Variants in KMT2E observed in about 807,000 individuals in gnomAD.
The protein encoded by KMT2E is lysine methyltransferase 2E (inactive), also known as histone reader KMT2E.
Under a neutral mutation model 184.6 loss-of-function variants are expected in KMT2E, and 30 were observed. The observed-to-expected ratio is 0.16, with a 90% CI of 0.12 to 0.22. The LOEUF (loss-of-function observed/expected upper bound fraction) is 0.22, where lower values mean the gene tolerates loss of function less well. Ranked by LOEUF, KMT2E falls within the 10% of genes least tolerant of loss-of-function variation. The probability of loss-of-function intolerance (pLI) is 1.00; values close to 1 mark genes in which losing one functional copy is unlikely to be tolerated. For missense variants in KMT2E, 2,023 were observed against 2,237.4 expected (o/e 0.90, Z 1.93); for synonymous variants, 815 against 776.5 (o/e 1.05, Z -0.82).
chr7:105,110,334 A>G lies in KMT2E; in HGVS notation c.3810A>G (p.Leu1270=). Residue 1270 remains leucine, a synonymous_variant, in exon 24 of 27, where the codon TTA becomes TTG. Transcript: ENST00000311117. Reference sequence around the variant, plus strand: ...GAGAAAGGAGTTATCAGAGAGCTTTACTTCTCAGTGATCACCGAAAAGATA... The same window carrying G: ...GAGAAAGGAGTTATCAGAGAGCTTTGCTTCTCAGTGATCACCGAAAAGATA... ...QVRERSYQRA[L]LLSDHRKDKD... 6.2e-7 allele frequency: 1 copy of G among 1,614,162 alleles called. No homozygotes were observed. The highest frequency in any genetic ancestry group is 1.7e-5 in the Admixed American group (1 of 60,028).
intron 5 of KMT2E, chr7:105,064,048 C>A (rs1393604781): frequency 2.2e-6 from 1 of 453,394 alleles, no homozygotes; most frequent in South Asian, 1.6e-5. Context: ...TCTCCTTGAA[C>A]CAGAACCACA....
In KMT2E at chr7:105,051,098, C is replaced by CTTTTT. The variant is rs1321623714; in HGVS notation, c.71+10076_71+10077insTTTTT. Among the ~76,000 whole-genome samples, 77 of 71,654 alleles carry CTTTTT rather than the reference C, an allele frequency of 1.1e-3. 1 individual carries two copies. Among genetic ancestry groups the CTTTTT allele is most frequent in the Middle Eastern group, 0.015 (2 of 136 alleles). The allele number at this position is 71,654 out of a possible 152,430, so 47.0% of individuals were successfully genotyped here. A position where few individuals can be genotyped will look rare whatever the true frequency, so the allele number is the denominator to read the frequency against. On this transcript the variant is annotated intron_variant, in intron 3 of 26. Coordinates refer to ENST00000311117, the MANE Select transcript of KMT2E (RefSeq NM_182931.3). ...TTCTTCTTCTTTCTTTCTTTTTTCT[C>CTTTTT]TCTCTCTCTCTTTCTTCCTTTCCTC...
chr7:105,063,145 A>G (rs969536823), intron 4 of KMT2E, among the ~76,000 whole-genome samples: 1 of 151,970 alleles, frequency 6.6e-6, no homozygotes, highest in East Asian at 1.9e-4. Flanking sequence ...GACCACTCCC[A>G]CTTTGTAGAT....
intron 15 of KMT2E, among the ~76,000 whole-genome samples, chr7:105,100,716 G>A (rs1030254604): frequency 1.3e-5 from 2 of 152,148 alleles, no homozygotes; most frequent in South Asian, 2.1e-4. Flanking sequence ...GAGGACTAAA[G>A]TAGAAATAAT....
At chr7:105,036,017 C>T (rs193245258) in intron 1 of KMT2E, among the ~76,000 whole-genome samples, 19 of 152,134 alleles carry the variant, frequency 1.2e-4, no homozygotes, top group Admixed American at 2.0e-4. Flanking sequence ...TCAGAGGAAA[C>T]GCAATTCAGA....
At chr7:105,069,154 G>T (rs2129567605) in intron 6 of KMT2E, among the ~76,000 whole-genome samples, 1 of 152,254 alleles carries the variant, frequency 6.6e-6, no homozygotes, top group East Asian at 1.9e-4. Flanking sequence ...AGCTAGTCAT[G>T]CCCTTTCCTA....
Position 105,112,338 on chromosome 7 carries a change from T to G in KMT2E, c.4582T>G (p.Ser1528Ala). Residue 1528 changes from serine (S) to alanine (A), a missense_variant, in exon 27 of 27, where the codon TCA becomes GCA. By Grantham distance (99) the Ser-to-Ala change is moderately conservative. This residue lies in a region of KMT2E where 1,108 missense variants were observed against 1,050.9 expected (regional missense o/e 1.05). Coordinates refer to ENST00000311117, the MANE Select transcript of KMT2E (RefSeq NM_182931.3). ...LFTQTPSGQSSATYSQFNQQS... is the reference protein window; with the variant it reads ...LFTQTPSGQSAATYSQFNQQS... ...TACACAGACACCCTCAGGACAATCTTCAGCAACATACAGTCAGTTTAACCA... is the reference window on the plus strand; with the variant it reads ...TACACAGACACCCTCAGGACAATCTGCAGCAACATACAGTCAGTTTAACCA... The G allele has an allele frequency of 6.2e-7, 1 of 1,613,510 alleles. No homozygotes were observed. The highest frequency in any genetic ancestry group is 8.5e-7 in the Non-Finnish European group (1 of 1,180,020).
chr7:105,066,946 A>G lies in KMT2E; in HGVS notation c.497+139A>G, dbSNP rs376924501. ...GTGGCTCATGCCTGTAGTGCCAACT[A>G]CTTGGGAGGCTGAGGCAGGAAGATT... is the stretch of plus-strand genomic sequence containing the variant. On this transcript the variant is annotated intron_variant, in intron 6 of 26. Transcript: ENST00000311117. 3.1e-5 allele frequency: 19 copies of G among 607,022 alleles called. No individual in the cohort carries two copies. The East Asian group carries it at 3.2e-4, about 10-fold the overall frequency. 37.6% of individuals were successfully genotyped at this position (607,022 alleles called of 1,614,324 possible).
rs749591342 is a variant in KMT2E at position 105,112,391 on chromosome 7, CCCTCCACCT to C, written c.4648_4656del (p.Pro1550_Pro1552del). 1.6e-4 allele frequency: 259 copies of C among 1,612,906 alleles called. No individual in the cohort carries two copies. Among genetic ancestry groups the C allele is most frequent in the African/African-American group, 5.7e-4 (43 of 74,890 alleles). ...AAAGTCTGAACAGCACGGCACCACC[CCCTCCACCT>C]CCTCCACCTCCTTCTTCGTCTTACT... is the stretch of plus-strand genomic sequence containing the variant. On this transcript the variant is annotated inframe_deletion, in exon 27 of 27. Transcript: ENST00000311117.
chr7:105,091,608 A>G (rs2129568943), intron 15 of KMT2E: 1 of 504,004 alleles, frequency 2.0e-6, no homozygotes, highest in South Asian at 3.4e-5. Flanking sequence ...TAATGCCACA[A>G]TTACTGTTCA....
intron 6 of KMT2E, among the ~76,000 whole-genome samples, chr7:105,067,066 TAAAAAAAAAAA>T (rs11457088): frequency 8.7e-6 from 1 of 115,470 alleles, no homozygotes; most frequent in African/African-American, 3.4e-5. Context: ...CTTTTTTTTT[TAAAAAAAAAAA>T]AAAAAAAGAA....
At chr7:105,050,687 T>TTCTTTCTTTCTTTCTTTCTTTC (rs1796299555) in intron 3 of KMT2E, among the ~76,000 whole-genome samples, 1 of 151,246 alleles carries the variant, frequency 6.6e-6, no homozygotes, top group East Asian at 2.0e-4. Context: ...CTTTCTTTCT[T>TTCTTTCTTTCTTTCTTTCTTTC]TCTCTTTCTC....
intron 1 of KMT2E, among the ~76,000 whole-genome samples, chr7:105,022,589 T>G (rs1795001174): frequency 6.6e-6 from 1 of 152,194 alleles, no homozygotes; most frequent in African/African-American, 2.4e-5. Flanking sequence ...AATTAATTTT[T>G]GGGGAAATAC....
chr7:105,073,389 C>G (rs1797404393), intron 6 of KMT2E, among the ~76,000 whole-genome samples: 1 of 143,338 alleles, frequency 7.0e-6, no homozygotes, highest in East Asian at 2.1e-4. Flanking sequence ...AGGGTGAGAC[C>G]CTGTCTGGGG....
chr7:105,033,790 C>T (rs566549553), intron 1 of KMT2E, among the ~76,000 whole-genome samples: 7 of 152,200 alleles, frequency 4.6e-5, no homozygotes, highest in Admixed American at 6.5e-5. Flanking sequence ...TGAGCTACTG[C>T]GCCCGGCCCA....
chr7:105,034,035 C>T (rs1007215808), intron 1 of KMT2E, among the ~76,000 whole-genome samples: 6 of 152,156 alleles, frequency 3.9e-5, no homozygotes, highest in Admixed American at 2.6e-4. Flanking sequence ...CCCACAGAGT[C>T]GGGGCCCTCA....
At chr7:105,050,256 A>T (rs1424739828) in intron 3 of KMT2E, among the ~76,000 whole-genome samples, 2 of 152,166 alleles carry the variant, frequency 1.3e-5, no homozygotes, top group Non-Finnish European at 2.9e-5. Context: ...GATTTGATGT[A>T]AATAATCATC....
intron 3 of KMT2E, among the ~76,000 whole-genome samples, chr7:105,056,561 A>G (rs1796577107): frequency 6.6e-6 from 1 of 152,158 alleles, no homozygotes; most frequent in Non-Finnish European, 1.5e-5. Context: ...TGTTATTTGT[A>G]GTAAATTTCT....
Position 105,101,501 on chromosome 7 carries a change from A to C in KMT2E, c.1799A>C (p.Gln600Pro). Residue 600 changes from glutamine to proline, a missense_variant, in exon 16 of 27, where the codon CAA (glutamine) becomes CCA (proline). By Grantham distance (76) the Gln-to-Pro change is moderately conservative. This residue lies in a region of KMT2E where 514 missense variants were observed against 621.8 expected (regional missense o/e 0.83). Transcript: ENST00000311117. ...GAAAAGAGAGAGAAAAGAAGAGAACAAGCTTTGGAAAGGATCAGCACAGCC... is the reference window on the plus strand; with the variant it reads ...GAAAAGAGAGAGAAAAGAAGAGAACCAGCTTTGGAAAGGATCAGCACAGCC... ...RLEKREKRRE[Q>P]ALERISTAKT... is the part of the protein sequence containing the mutation. The C allele has an allele frequency of 6.3e-7, 1 of 1,596,302 alleles. No homozygotes were observed.
Sources: allele counts gnomAD v4.1 joint callset (sites outside exome capture counted in the v4.1 genomes callset), GRCh38; gene constraint gnomAD v4.1.1; regional missense constraint gnomAD v4.1.1; transcripts MANE v1.5; gene names NCBI Gene and HGNC (gene_info 2026-07-23, HGNC 2026-07-21).